POFUT1: variants seen among roughly 807,000 people sequenced by gnomAD.
The protein encoded by POFUT1 is GDP-fucose protein O-fucosyltransferase 1.
POFUT1 carries 16 observed loss-of-function variants against 42.4 expected under a neutral mutation model. The ratio of observed to expected loss-of-function variants is 0.38; its 90% CI spans 0.26 to 0.57. The LOEUF is 0.57. Among genes scored for constraint, POFUT1 ranks in the 20% least tolerant of loss-of-function variants. The pLI, the probability that POFUT1 is intolerant of heterozygous loss-of-function variation, is 0.71. For synonymous variants in POFUT1, 206 were observed against 205.4 expected, an observed-to-expected ratio of 1.00 and a Z score of -0.03; for missense variants, 470 against 504.6, an observed-to-expected ratio of 0.93 and a Z score of 0.66.
At chr20:32,234,324 C>T in intron 6 of POFUT1, 149 bp from the exon 7 acceptor site, 2 of 740,470 alleles carry the variant, frequency 2.7e-6, no homozygotes, top group Non-Finnish European at 2.1e-6. Flanking sequence ...CTGGGCAATG[C>T]TTCCCTCAGA....
intron 4 of POFUT1, among the ~76,000 whole-genome samples, chr20:32,221,883 T>G (rs1303001375): frequency 6.6e-6 from 1 of 152,064 alleles, no homozygotes; most frequent in Non-Finnish European, 1.5e-5. Flanking sequence ...GTGTCAGACT[T>G]AAGTTAGGCT....
At chr20:32,217,043 C>G in intron 4 of POFUT1, 3 of 1,613,952 alleles carry the variant, frequency 1.9e-6, no homozygotes, top group Non-Finnish European at 1.7e-6. Context: ...TTACTCTTCC[C>G]AAGGTGAAAC....
chr20:32,218,305 A>G (rs1364112852), intron 4 of POFUT1, among the ~76,000 whole-genome samples: 1 of 151,974 alleles, frequency 6.6e-6, no homozygotes, highest in Non-Finnish European at 1.5e-5. Flanking sequence ...CCTGACGAAT[A>G]TTTTGTTTTG....
Position 32,217,085 on chromosome 20 carries a change from G to A in POFUT1, c.542+364G>A, listed in dbSNP as rs772087514. 1.9e-5 allele frequency: 30 copies of A among 1,611,692 alleles called. 1 individual carries two copies. In the Middle Eastern group the frequency reaches 1.8e-3, roughly 98 times the overall value. ...CAGCTTCTAGAGAACAGCTTCAGGT[G>A]CAGACCGAGAAATGACGTCATCCTG... On this transcript the variant is annotated intron_variant, in intron 4 of 6. Coordinates refer to ENST00000375749, the MANE Select transcript of POFUT1 (RefSeq NM_015352.2).
intron 4 of POFUT1, chr20:32,223,805 A>G: frequency 1.8e-6 from 1 of 551,734 alleles, no homozygotes; most frequent in African/African-American, 2.0e-5. Context: ...GACTCAGCTC[A>G]TTGTCAAGGG....
intron 5 of POFUT1, 63 bp from the exon 6 acceptor site, chr20:32,230,756 G>C (rs2047438811): frequency 3.2e-6 from 5 of 1,584,006 alleles, no homozygotes; most frequent in Non-Finnish European, 4.3e-6. Flanking sequence ...CCACTTACCA[G>C]GTCTTGCTTC....
intron 2 of POFUT1, among the ~76,000 whole-genome samples, chr20:32,214,131 A>C (rs1600385370): frequency 6.6e-6 from 1 of 151,806 alleles, no homozygotes; most frequent in East Asian, 1.9e-4. Context: ...AAAAAAAAAA[A>C]ATTTTTTTTT....
intron 4 of POFUT1, among the ~76,000 whole-genome samples, chr20:32,222,230 G>A (rs1013497280): frequency 2.0e-5 from 3 of 152,200 alleles, no homozygotes; most frequent in African/African-American, 7.2e-5. Context: ...TTGAACCTGG[G>A]AGGCGGAGGT....
intron 4 of POFUT1, among the ~76,000 whole-genome samples, chr20:32,226,807 A>G (rs1168120667): frequency 3.9e-5 from 6 of 152,064 alleles, no homozygotes; most frequent in African/African-American, 1.2e-4. Context: ...TTCATATTCC[A>G]TGATACAGAG....
chr20:32,219,896 C>T (rs1318042974), intron 4 of POFUT1, among the ~76,000 whole-genome samples: 1 of 152,214 alleles, frequency 6.6e-6, no homozygotes, highest in East Asian at 1.9e-4. Flanking sequence ...TATGGAATCC[C>T]TGCTGTACAA....
At position 32,237,837 on chromosome 20, in the gene POFUT1, CCCT is replaced by C. The variant is rs765619793; in HGVS notation, c.*3181_*3183del. The C allele has an allele frequency of 1.2e-4, 63 of 534,192 alleles. No individual in the cohort carries two copies. Among genetic ancestry groups the C allele is most frequent in the African/African-American group, 1.1e-3 (56 of 51,924 alleles). 33.1% of individuals were successfully genotyped at this position (534,192 alleles called of 1,614,324 possible). A position where few individuals can be genotyped will look rare whatever the true frequency, so the allele number is the denominator to read the frequency against. On this transcript the variant is annotated 3_prime_UTR_variant, in exon 7 of 7. Coordinates refer to ENST00000375749, the MANE Select transcript of POFUT1 (RefSeq NM_015352.2). The stretch of plus-strand genomic sequence containing the variant: ...GCTCCCCTAGACTAGGACTCCAGTG[CCCT>C]CCTCTCCCAAGAGACAAAGGCCATT...
intron 6 of POFUT1, among the ~76,000 whole-genome samples, chr20:32,232,370 C>T (rs1040276640): frequency 1.3e-5 from 2 of 152,066 alleles, no homozygotes; most frequent in African/African-American, 4.8e-5. Flanking sequence ...AAAATCAGAG[C>T]TGAGAGATCT....
chr20:32,210,363 A>C (rs550412287), intron 2 of POFUT1, among the ~76,000 whole-genome samples, 171 bp downstream of exon 2: 3 of 152,258 alleles, frequency 2.0e-5, no homozygotes, highest in African/African-American at 7.2e-5. Flanking sequence ...TTTATCCAGC[A>C]CCTGTTGTGT....
intron 4 of POFUT1, among the ~76,000 whole-genome samples, chr20:32,220,647 G>A (rs534484586): frequency 1.3e-5 from 2 of 152,212 alleles, no homozygotes; most frequent in African/African-American, 4.8e-5. Flanking sequence ...GGAGGCTGAG[G>A]CATAAGAATC....
chr20:32,236,359 A>G lies in POFUT1; in HGVS notation c.*1698A>G, dbSNP rs986745274. On this transcript the variant is annotated 3_prime_UTR_variant, in exon 7 of 7. Transcript: ENST00000375749. ...CCGCCTAATTTTTTTTCCCCCCAAG[A>G]CAGGGCCTTGCTCTGTCTCCCAGGC... 1.3e-5 allele frequency: 2 copies of G among 152,198 alleles called. No individual in the cohort carries two copies. Among genetic ancestry groups the G allele is most frequent in the Admixed American group, 1.3e-4 (2 of 15,276 alleles). The allele number at this position is 152,198 out of a possible 1,614,324, so 9.4% of individuals were successfully genotyped here.
chr20:32,233,539 C>T (rs562198596), intron 6 of POFUT1, among the ~76,000 whole-genome samples: 28 of 152,172 alleles, frequency 1.8e-4, no homozygotes, highest in African/African-American at 6.3e-4. Context: ...ACTTGGAGGG[C>T]GGGAAGGACA....
intron 2 of POFUT1, among the ~76,000 whole-genome samples, chr20:32,213,920 A>T (rs968781410): frequency 6.6e-6 from 1 of 151,822 alleles, no homozygotes; most frequent in African/African-American, 2.4e-5. Context: ...TTGGTAAAAG[A>T]TGAAGTCTCT....
At chr20:32,221,093 G>C (rs2047388851) in intron 4 of POFUT1, among the ~76,000 whole-genome samples, 1 of 152,228 alleles carries the variant, frequency 6.6e-6, no homozygotes, top group Admixed American at 6.5e-5. Flanking sequence ...CACGGGAAAA[G>C]AGATCAGAGA....
intron 2 of POFUT1, among the ~76,000 whole-genome samples, chr20:32,214,398 T>C (rs925025918): frequency 3.3e-5 from 5 of 152,172 alleles, no homozygotes; most frequent in African/African-American, 1.2e-4. Context: ...GTGCTGAGAT[T>C]ACAGACATGA....
Sources: allele counts gnomAD v4.1 joint callset (sites outside exome capture counted in the v4.1 genomes callset), GRCh38; gene constraint gnomAD v4.1.1; transcripts MANE v1.5; gene names NCBI Gene and HGNC (gene_info 2026-07-23, HGNC 2026-07-21).